Variants in GSK3B observed in about 807,000 individuals in gnomAD.
GSK3B encodes glycogen synthase kinase-3 beta.
GSK3B carries 15 observed loss-of-function variants against 56.4 expected under a neutral mutation model. That is an observed-to-expected ratio of 0.27 (90% CI 0.18 to 0.41). The LOEUF is 0.41. Among genes scored for constraint, GSK3B ranks in the 10% least tolerant of loss-of-function variants. The pLI is 1.00. For missense variants in GSK3B, 300 were observed against 513.4 expected, an observed-to-expected ratio of 0.58 and a Z score of 4.02; for synonymous variants, 181 against 188.9, an observed-to-expected ratio of 0.96 and a Z score of 0.34.
rs1334902414 is a variant in GSK3B, at chr3:119,826,624, T to G, written c.*164A>C. On this transcript the variant is annotated 3_prime_UTR_variant, in exon 11 of 11. Coordinates refer to ENST00000264235, the MANE Select transcript of GSK3B (RefSeq NM_001146156.2). ...GAAATTGGTTTGTATTTATAGATATTTTACAAGGTTAAATAAGAACAACAA... is the reference window on the plus strand; with the variant it reads ...GAAATTGGTTTGTATTTATAGATATGTTACAAGGTTAAATAAGAACAACAA... 1.4e-6 allele frequency: 1 copy of G among 701,610 alleles called. No homozygotes were observed. Among genetic ancestry groups the G allele is most frequent in the South Asian group, 1.5e-5 (1 of 66,570 alleles). The allele number at this position is 701,610 out of a possible 1,614,324, so 43.5% of individuals were successfully genotyped here.
At chr3:119,923,984 C>A (rs1244053116) in intron 3 of GSK3B, among the ~76,000 whole-genome samples, 3 of 152,120 alleles carry the variant, frequency 2.0e-5, no homozygotes, top group African/African-American at 7.2e-5. Flanking sequence ...CTAAACAGTC[C>A]AAAATGTCTC....
chr3:119,947,251 CTT>C lies in GSK3B; in HGVS notation c.366+15_366+16del. On this transcript the variant is annotated intron_variant, in intron 3 of 10. Coordinates refer to ENST00000264235, the MANE Select transcript of GSK3B (RefSeq NM_001146156.2). ...AATTTATCACAATATTCAGTACACACTTTGTGTCAAACCTACCTTCTCACCAC... is the reference window on the plus strand; with the variant it reads ...AATTTATCACAATATTCAGTACACACTGTGTCAAACCTACCTTCTCACCAC... 1.5e-6 allele frequency: 2 copies of C among 1,356,680 alleles called. No homozygotes were observed. Among genetic ancestry groups the C allele is most frequent in the Non-Finnish European group, 2.1e-6 (2 of 945,656 alleles). 84.0% of individuals were successfully genotyped at this position (1,356,680 alleles called of 1,614,324 possible).
chr3:120,065,752 A>G (rs1327861380), intron 1 of GSK3B, among the ~76,000 whole-genome samples: 18 of 152,256 alleles, frequency 1.2e-4, no homozygotes, highest in Admixed American at 1.2e-3. Context: ...TATGCATACA[A>G]TGGAATATTA....
intron 2 of GSK3B, among the ~76,000 whole-genome samples, chr3:119,969,270 T>C (rs1452353898): frequency 6.7e-6 from 1 of 148,626 alleles, no homozygotes; most frequent in Non-Finnish European, 1.5e-5. Context: ...CCAGCCTGGG[T>C]GACAAAGCAA....
intron 9 of GSK3B, among the ~76,000 whole-genome samples, chr3:119,846,630 C>T (rs1300652155): frequency 6.6e-6 from 1 of 152,096 alleles, no homozygotes; most frequent in Admixed American, 6.6e-5. Context: ...ATTAAAAAGT[C>T]AAGAAACAAC....
chr3:119,869,233 A>AAAC (rs1553726292), intron 8 of GSK3B, among the ~76,000 whole-genome samples: 2 of 150,184 alleles, frequency 1.3e-5, no homozygotes, highest in African/African-American at 4.9e-5. Flanking sequence ...CAAAAAAAAA[A>AAAC]AAAAAAAAAA....
chr3:120,012,970 G>T (rs2057792080), intron 1 of GSK3B, among the ~76,000 whole-genome samples: 1 of 152,154 alleles, frequency 6.6e-6, no homozygotes, highest in South Asian at 2.1e-4. Flanking sequence ...TTACAGGTGT[G>T]AACCACTGTA....
chr3:119,850,385 C>A (rs1178573756), intron 9 of GSK3B, among the ~76,000 whole-genome samples: 3 of 152,072 alleles, frequency 2.0e-5, no homozygotes, highest in Non-Finnish European at 4.4e-5. Flanking sequence ...ACAGGCAATC[C>A]TTAAAATCCA....
chr3:120,061,225 CAG>C (rs1373113113), intron 1 of GSK3B, among the ~76,000 whole-genome samples: 1 of 152,116 alleles, frequency 6.6e-6, no homozygotes, highest in Non-Finnish European at 1.5e-5. Flanking sequence ...TTTATAAAAT[CAG>C]AGGACATTTT....
chr3:120,014,688 A>G (rs1368784558), intron 1 of GSK3B, among the ~76,000 whole-genome samples: 1 of 152,198 alleles, frequency 6.6e-6, no homozygotes, highest in African/African-American at 2.4e-5. Flanking sequence ...TCATCTTCAC[A>G]TGATTCTAAC....
intron 2 of GSK3B, among the ~76,000 whole-genome samples, chr3:120,000,717 G>A (rs1390190039): frequency 6.6e-6 from 1 of 151,242 alleles, no homozygotes; most frequent in Non-Finnish European, 1.5e-5. Flanking sequence ...TCCATGCATA[G>A]GCTCCCCTAA....
At chr3:119,837,545 T>C (rs1445509569) in intron 10 of GSK3B, among the ~76,000 whole-genome samples, 1 of 152,054 alleles carries the variant, frequency 6.6e-6, no homozygotes, top group Non-Finnish European at 1.5e-5. Flanking sequence ...TACATAACCA[T>C]GGGATAGATG....
intron 2 of GSK3B, among the ~76,000 whole-genome samples, chr3:119,986,367 T>C (rs1205208828): frequency 6.6e-6 from 1 of 151,366 alleles, no homozygotes; most frequent in Non-Finnish European, 1.5e-5. Context: ...TTCTGCACGG[T>C]GAAAGAAACT....
chr3:120,011,053 A>C (rs1420152955), intron 1 of GSK3B, among the ~76,000 whole-genome samples: 1 of 152,224 alleles, frequency 6.6e-6, no homozygotes, highest in Admixed American at 6.5e-5. Flanking sequence ...TGGGCAACAC[A>C]GCAAGACCAT....
At chr3:119,921,754 T>C (rs955004465) in intron 4 of GSK3B, among the ~76,000 whole-genome samples, 8 of 152,174 alleles carry the variant, frequency 5.3e-5, no homozygotes, top group African/African-American at 9.7e-5. Context: ...AATTATGTCA[T>C]AGGCAAATAT....
In GSK3B at chr3:119,826,158, C is replaced by T. The variant is rs1380133490; in HGVS notation, c.*630G>A. On this transcript the variant is annotated 3_prime_UTR_variant, in exon 11 of 11. Transcript: ENST00000264235. ...CCTTAACAAATCTACTAAGAATCTTCCCTGTAGAGTTCCAAACTTTATTGA... is the reference window on the plus strand; with the variant it reads ...CCTTAACAAATCTACTAAGAATCTTTCCTGTAGAGTTCCAAACTTTATTGA... 2 of 254,036 alleles carry T rather than the reference C, an allele frequency of 7.9e-6. No homozygotes were observed. The allele number at this position is 254,036 out of a possible 1,614,324, so 15.7% of individuals were successfully genotyped here. A position where few individuals can be genotyped will look rare whatever the true frequency, so the allele number is the denominator to read the frequency against.
At chr3:120,013,810 G>C (rs571926201) in intron 1 of GSK3B, among the ~76,000 whole-genome samples, 27 of 151,138 alleles carry the variant, frequency 1.8e-4, no homozygotes, top group Middle Eastern at 3.4e-3. Context: ...AAATTTTTCA[G>C]GTTAAGTTGA....
chr3:119,826,928 C>T (rs1412946073), intron 10 of GSK3B, 73 bp from the exon 11 acceptor site: 8 of 907,802 alleles, frequency 8.8e-6, no homozygotes, highest in Non-Finnish European at 1.4e-5. Context: ...TACACTGTTT[C>T]AACTGCAGGC....
At chr3:119,898,932 T>G (rs566371674) in intron 7 of GSK3B, among the ~76,000 whole-genome samples, 8 of 152,272 alleles carry the variant, frequency 5.3e-5, no homozygotes, top group African/African-American at 1.7e-4. Context: ...CTTATCCTTC[T>G]TGTTGTGATG....
Sources: allele counts gnomAD v4.1 joint callset (sites outside exome capture counted in the v4.1 genomes callset), GRCh38; gene constraint gnomAD v4.1.1; transcripts MANE v1.5; gene names NCBI Gene and HGNC (gene_info 2026-07-23, HGNC 2026-07-21).